Variants in ARHGAP20 observed in about 807,000 individuals in gnomAD.
ARHGAP20 encodes the protein Rho GTPase activating protein 20.
A neutral mutation model predicts 73.7 loss-of-function variants in ARHGAP20; 34 were observed. The observed-to-expected ratio is 0.46, with a 90% CI of 0.35 to 0.61. The LOEUF is 0.61. Ranked by LOEUF, ARHGAP20 falls within the 20% of genes least tolerant of loss-of-function variation. ARHGAP20 has a pLI of 0.00. For synonymous variants in ARHGAP20, 523 were observed against 518.2 expected (o/e 1.01, Z -0.13); for missense variants, 1,314 against 1,420.9 (o/e 0.92, Z 1.21).
chr11:110,671,765 G>A (rs1410903493), intron 2 of ARHGAP20, among the ~76,000 whole-genome samples: 1 of 151,996 alleles, frequency 6.6e-6, no homozygotes, highest in Non-Finnish European at 1.5e-5. Context: ...AAGTAATCAA[G>A]ATATTATAAT....
chr11:110,602,962 AGTGAAAATGT>A (rs770096755), intron 9 of ARHGAP20, among the ~76,000 whole-genome samples: 1 of 152,238 alleles, frequency 6.6e-6, no homozygotes, highest in Admixed American at 6.5e-5. Context: ...ATTTCATGGT[AGTGAAAATGT>A]GTGGAGCAGA....
chr11:110,692,643 C>T (rs7928975), intron 1 of ARHGAP20, among the ~76,000 whole-genome samples: 45,996 of 151,616 alleles, frequency 0.3, 7,758 homozygotes, highest in African/African-American at 0.47. Context: ...TTCAGGTTTA[C>T]GAAGAATTTG....
At chr11:110,636,530 G>A (rs1948971610) in intron 2 of ARHGAP20, among the ~76,000 whole-genome samples, 2 of 152,016 alleles carry the variant, frequency 1.3e-5, no homozygotes, top group South Asian at 4.2e-4. Flanking sequence ...TAAGTGGACT[G>A]GTGCTGGTGT....
intron 2 of ARHGAP20, among the ~76,000 whole-genome samples, chr11:110,658,135 G>C (rs1949513555): frequency 2.6e-5 from 4 of 152,174 alleles, no homozygotes; most frequent in Admixed American, 2.6e-4. Context: ...TTATCAGTCT[G>C]TCAAATAGAA....
chr11:110,611,434 A>G, intron 6 of ARHGAP20, 48 bp from the exon 7 acceptor site: 1 of 979,584 alleles, frequency 1.0e-6, no homozygotes, highest in Non-Finnish European at 1.5e-6. Context: ...TGAATTTTAA[A>G]ACAGGTTAAC....
chr11:110,634,575 A>T (rs898932362), intron 2 of ARHGAP20, among the ~76,000 whole-genome samples: 6 of 152,178 alleles, frequency 3.9e-5, no homozygotes, highest in African/African-American at 1.4e-4. Flanking sequence ...TTTAGGATTT[A>T]ATGACTTGGG....
chr11:110,632,723 T>C (rs1329089514), intron 2 of ARHGAP20, among the ~76,000 whole-genome samples: 2 of 152,174 alleles, frequency 1.3e-5, no homozygotes, highest in Non-Finnish European at 2.9e-5. Flanking sequence ...GATTTTAATT[T>C]GCATTTCTCT....
intron 2 of ARHGAP20, among the ~76,000 whole-genome samples, chr11:110,670,486 T>C (rs1052836990): frequency 1.9e-4 from 29 of 152,042 alleles, no homozygotes; most frequent in African/African-American, 5.1e-4. Flanking sequence ...GACACATTCC[T>C]TGAAAGACAC....
At chr11:110,617,113 T>C (rs1309528373) in intron 4 of ARHGAP20, among the ~76,000 whole-genome samples, 1 of 152,216 alleles carries the variant, frequency 6.6e-6, no homozygotes, top group Non-Finnish European at 1.5e-5. Flanking sequence ...CAGCACAGAA[T>C]AGTTTTGCAT....
At chr11:110,591,871 G>T in intron 10 of ARHGAP20, 106 bp downstream of exon 10, 1 of 1,176,864 alleles carries the variant, frequency 8.5e-7, no homozygotes, top group Non-Finnish European at 1.2e-6. Flanking sequence ...CTTAGCCAAA[G>T]ACAGTGGTGT....
intron 1 of ARHGAP20, among the ~76,000 whole-genome samples, chr11:110,702,418 C>T (rs1024570513): frequency 1.3e-5 from 2 of 152,150 alleles, no homozygotes; most frequent in Non-Finnish European, 2.9e-5. Context: ...GACAAACCCA[C>T]AGCCAATATC....
At chr11:110,677,069 G>A (rs1422264149) in intron 2 of ARHGAP20, among the ~76,000 whole-genome samples, 2 of 152,134 alleles carry the variant, frequency 1.3e-5, no homozygotes, top group South Asian at 2.1e-4. Context: ...ACAGAATGAA[G>A]TGGACAATTG....
chr11:110,691,122 C>A (rs974923453), intron 1 of ARHGAP20: 57 of 650,574 alleles, frequency 8.8e-5, no homozygotes, highest in Admixed American at 2.9e-4. Flanking sequence ...AATATTAACA[C>A]ACTTGGGAAT....
chr11:110,677,647 GA>G (rs77690653), intron 2 of ARHGAP20, among the ~76,000 whole-genome samples: 12,038 of 151,902 alleles, frequency 0.079, 575 homozygotes, highest in African/African-American at 0.12. Context: ...TCTGTCTCAG[GA>G]AAAACAAACA....
chr11:110,665,527 T>TAGC (rs1949706671), intron 2 of ARHGAP20, among the ~76,000 whole-genome samples: 1 of 152,176 alleles, frequency 6.6e-6, no homozygotes, highest in Admixed American at 6.6e-5. Context: ...TTGTCCCAGA[T>TAGC]AGCAGCCTAG....
intron 2 of ARHGAP20, among the ~76,000 whole-genome samples, chr11:110,656,831 T>A (rs1949478354): frequency 6.6e-6 from 1 of 152,214 alleles, no homozygotes. Flanking sequence ...ATGTCAACTC[T>A]GTGTTCTGGG....
Position 110,690,749 on chromosome 11 carries a change from T to C in ARHGAP20, c.106-120A>G, listed in dbSNP as rs913505125. On this transcript the variant is annotated intron_variant, in intron 1 of 14. Coordinates refer to ENST00000683387, the MANE Select transcript of ARHGAP20 (RefSeq NM_001384657.1). ...GCCTATCTTTGTCTGTCAAGGAGCC[T>C]ACAGTTTCATTATGGAGATAAAACT... is the stretch of plus-strand genomic sequence containing the variant. The C allele has an allele frequency of 1.5e-5, 15 of 988,046 alleles. No homozygotes were observed. In the Admixed American group the frequency reaches 3.1e-4, roughly 21 times the overall value. The allele number at this position is 988,046 out of a possible 1,614,324, so 61.2% of individuals were successfully genotyped here.
At chr11:110,697,478 C>A (rs374136031) in intron 1 of ARHGAP20, among the ~76,000 whole-genome samples, 6 of 151,614 alleles carry the variant, frequency 4.0e-5, no homozygotes, top group African/African-American at 1.4e-4. Context: ...GGATACTAGT[C>A]CTTTGTCAGA....
chr11:110,681,733 T>C (rs1052322476), intron 2 of ARHGAP20, among the ~76,000 whole-genome samples: 6 of 152,152 alleles, frequency 3.9e-5, no homozygotes, highest in African/African-American at 1.4e-4. Context: ...AGCATGGTGG[T>C]GTGTGGTCAT....
Sources: gnomAD v4.1 joint callset for allele counts (sites outside exome capture counted in the v4.1 genomes callset) on GRCh38, gnomAD v4.1.1 for gene constraint, MANE v1.5 for transcripts, NCBI Gene and HGNC (gene_info 2026-07-23, HGNC 2026-07-21) for gene names.